The following KCNMB2 variants were observed in gnomAD, a reference collection of about 807,000 sequenced individuals.
KCNMB2 encodes the protein potassium calcium-activated channel subfamily M regulatory beta subunit 2.
Under a neutral mutation model 24.5 loss-of-function variants are expected in KCNMB2, and 9 were observed. The ratio of observed to expected loss-of-function variants is 0.37; its 90% CI spans 0.22 to 0.64. The LOEUF is 0.64. KCNMB2 is among the 30% of genes least tolerant of loss of function. The pLI, the probability that KCNMB2 is intolerant of heterozygous loss-of-function variation, is 0.63. For synonymous variants in KCNMB2, 109 were observed against 104.4 expected (o/e 1.04, Z -0.27); for missense variants, 226 against 284.3 (o/e 0.79, Z 1.47).
chr3:178,561,758 A>G (rs1364633721), intron 1 of KCNMB2, among the ~76,000 whole-genome samples: 4 of 152,242 alleles, frequency 2.6e-5, no homozygotes, highest in African/African-American at 9.6e-5. Context: ...ATAATCTGAT[A>G]TGCAGCAACT....
At chr3:178,794,432 C>A (rs1167356270) in intron 1 of KCNMB2, among the ~76,000 whole-genome samples, 1 of 152,052 alleles carries the variant, frequency 6.6e-6, no homozygotes, top group Non-Finnish European at 1.5e-5. Context: ...ATGAGACATG[C>A]AGGTCTGGTT....
At chr3:178,608,915 A>C (rs1343751012) in intron 1 of KCNMB2, among the ~76,000 whole-genome samples, 1 of 152,156 alleles carries the variant, frequency 6.6e-6, no homozygotes, top group African/African-American at 2.4e-5. Flanking sequence ...GTTGCTTCCA[A>C]ATCTTAGCTA....
chr3:178,756,409 T>G (rs1724042734), intron 1 of KCNMB2, among the ~76,000 whole-genome samples: 1 of 152,168 alleles, frequency 6.6e-6, no homozygotes, highest in Admixed American at 6.5e-5. Flanking sequence ...TCACAATGTT[T>G]CTGTCAACCA....
chr3:178,823,062 T>A (rs1171762358), intron 2 of KCNMB2, among the ~76,000 whole-genome samples: 1 of 152,250 alleles, frequency 6.6e-6, no homozygotes. Context: ...AGACTCAGCC[T>A]GTCTCTTCCT....
At chr3:178,711,837 T>C (rs1722464751) in intron 1 of KCNMB2, among the ~76,000 whole-genome samples, 1 of 152,262 alleles carries the variant, frequency 6.6e-6, no homozygotes, top group Admixed American at 6.5e-5. Flanking sequence ...TTTCAAATTA[T>C]GTTGTTTCCT....
rs556546465 is a variant in KCNMB2, at chr3:178,702,581, C to T, written c.-67-104762C>T. Reference sequence around the variant, plus strand: ...CCTCCCCTACAGGATTTTACTGTGACTGCCTATCAAAACTCACTTAATTAA... The same window carrying T: ...CCTCCCCTACAGGATTTTACTGTGATTGCCTATCAAAACTCACTTAATTAA... On this transcript the variant is annotated intron_variant, in intron 1 of 4. Coordinates refer to ENST00000452583, the MANE Select transcript of KCNMB2 (RefSeq NM_181361.3). Among the ~76,000 whole-genome samples, 10 of 152,238 alleles carry T rather than the reference C, an allele frequency of 6.6e-5. No homozygotes were observed. The South Asian group carries it at 2.1e-3, about 32-fold the overall frequency.
intron 1 of KCNMB2, among the ~76,000 whole-genome samples, chr3:178,670,925 C>A (rs1226352478): frequency 6.6e-6 from 1 of 152,064 alleles, no homozygotes; most frequent in East Asian, 1.9e-4. Flanking sequence ...TGGGAATGTA[C>A]AAAAGGGAGA....
chr3:178,801,110 T>C (rs1713758453), intron 1 of KCNMB2, among the ~76,000 whole-genome samples: 1 of 152,108 alleles, frequency 6.6e-6, no homozygotes, highest in Non-Finnish European at 1.5e-5. Context: ...AGATCTAGTA[T>C]TTAATAGCAC....
intron 1 of KCNMB2, among the ~76,000 whole-genome samples, chr3:178,640,895 G>C (rs757451121): frequency 6.6e-6 from 1 of 151,962 alleles, no homozygotes; most frequent in Non-Finnish European, 1.5e-5. Flanking sequence ...TCTGTGTCTA[G>C]GTTCTTCTTT....
chr3:178,762,695 G>T (rs1377910388), intron 1 of KCNMB2, among the ~76,000 whole-genome samples: 1 of 152,064 alleles, frequency 6.6e-6, no homozygotes, highest in Non-Finnish European at 1.5e-5. Flanking sequence ...GAAGAGAAAT[G>T]AACTAGTTAG....
At chr3:178,837,736 C>T (rs1032719227) in intron 4 of KCNMB2, among the ~76,000 whole-genome samples, 8 of 151,846 alleles carry the variant, frequency 5.3e-5, no homozygotes, top group Non-Finnish European at 1.2e-4. Context: ...CACATGCATG[C>T]AATGAAAGCC....
intron 1 of KCNMB2, among the ~76,000 whole-genome samples, chr3:178,630,117 CCA>C (rs1719262844): frequency 6.6e-6 from 1 of 152,162 alleles, no homozygotes; most frequent in African/African-American, 2.4e-5. Flanking sequence ...GTATAAATGA[CCA>C]CAAAGTCCAT....
At chr3:178,757,886 T>C (rs1377297939) in intron 1 of KCNMB2, among the ~76,000 whole-genome samples, 7 of 134,784 alleles carry the variant, frequency 5.2e-5, no homozygotes, top group Non-Finnish European at 9.6e-5. Context: ...AGAGGATACA[T>C]ATATATATCC....
chr3:178,605,123 A>G (rs930779527), intron 1 of KCNMB2, among the ~76,000 whole-genome samples: 1 of 152,160 alleles, frequency 6.6e-6, no homozygotes, highest in Non-Finnish European at 1.5e-5. Context: ...ATATTTTGAA[A>G]TATTATGGTA....
chr3:178,746,771 T>A lies in KCNMB2; in HGVS notation c.-67-60572T>A, dbSNP rs373916103. Reference sequence around the variant, plus strand: ...ACAGATCTCTAGGGCAGGGGCAAAATGCCACCAGTCTCTTTGCTAAAGCAT... The same window carrying A: ...ACAGATCTCTAGGGCAGGGGCAAAAAGCCACCAGTCTCTTTGCTAAAGCAT... On this transcript the variant is annotated intron_variant, in intron 1 of 4. Transcript: ENST00000452583. Among the ~76,000 whole-genome samples the A allele has an allele frequency of 5.3e-5, 8 of 152,306 alleles. No individual in the cohort carries two copies. In the East Asian group the frequency reaches 1.5e-3, roughly 29 times the overall value.
At chr3:178,834,369 AG>A (rs1041341665) in intron 4 of KCNMB2, among the ~76,000 whole-genome samples, 2 of 152,228 alleles carry the variant, frequency 1.3e-5, no homozygotes, top group Non-Finnish European at 2.9e-5. Flanking sequence ...CTCTTAAAAG[AG>A]TAAAACATTA....
At chr3:178,655,089 GCTCTCCCTCTCTCTCT>G (rs1263707971) in intron 1 of KCNMB2, among the ~76,000 whole-genome samples, 9 of 77,958 alleles carry the variant, frequency 1.2e-4, no homozygotes, top group African/African-American at 4.5e-4. Context: ...GTAAATATTA[GCTCTCCCTCTCTCTCT>G]CTCTCTCTCT....
At chr3:178,641,453 T>G (rs1719724033) in intron 1 of KCNMB2, among the ~76,000 whole-genome samples, 1 of 152,166 alleles carries the variant, frequency 6.6e-6, no homozygotes, top group Admixed American at 6.5e-5. Flanking sequence ...TACTATTTTT[T>G]TTAAATTTCA....
At chr3:178,574,406 G>A (rs1456634594) in intron 1 of KCNMB2, among the ~76,000 whole-genome samples, 1 of 152,202 alleles carries the variant, frequency 6.6e-6, no homozygotes, top group Admixed American at 6.5e-5. Flanking sequence ...TGCCTTTTAA[G>A]TATTTCTTCA....
Sources: gnomAD v4.1 joint callset for allele counts (sites outside exome capture counted in the v4.1 genomes callset) on GRCh38, gnomAD v4.1.1 for gene constraint, MANE v1.5 for transcripts, NCBI Gene and HGNC (gene_info 2026-07-23, HGNC 2026-07-21) for gene names.